GYPC: variants seen among roughly 807,000 people sequenced by gnomAD.
GYPC encodes glycophorin-C.
GYPC carries 14 observed loss-of-function variants against 12.6 expected under a neutral mutation model. The observed-to-expected ratio is 1.11, with a 90% CI of 0.74 to 1.74. GYPC has a LOEUF of 1.74. Among genes scored for constraint, GYPC ranks in the 40% most tolerant of loss-of-function variants. The pLI is 0.00. For synonymous variants in GYPC, 78 were observed against 62.1 expected, an observed-to-expected ratio of 1.26 and a Z score of -1.20; for missense variants, 225 against 172.1, an observed-to-expected ratio of 1.31 and a Z score of -1.72.
chr2:126,672,454 C>A (rs1682878458), intron 1 of GYPC, among the ~76,000 whole-genome samples: 2 of 152,176 alleles, frequency 1.3e-5, no homozygotes, highest in Non-Finnish European at 2.9e-5. Flanking sequence ...CACACAGAGG[C>A]CAGCTTTCAG....
intron 1 of GYPC, among the ~76,000 whole-genome samples, chr2:126,664,951 T>TTC (rs143811361): frequency 0.044 from 6,556 of 148,334 alleles, 210 homozygotes; most frequent in African/African-American, 0.094. Flanking sequence ...CTTGCTGTCT[T>TTC]TCTCTCTCTC....
rs28369976 is a variant in GYPC at position 126,669,307 on chromosome 2, C to G, written c.49+12995C>G. Among the ~76,000 whole-genome samples the G allele has an allele frequency of 3.0e-4, 46 of 152,244 alleles. 1 individual carries two copies. The highest frequency in any genetic ancestry group is 2.7e-3 in the East Asian group (14 of 5,164). On this transcript the variant is annotated intron_variant, in intron 1 of 3. Coordinates refer to ENST00000259254, the MANE Select transcript of GYPC (RefSeq NM_002101.5). ...TGTCCCTGGTCATCATCCTGTGCTG[C>G]GAGTGGATGCTCCAGGCCATGCCCC...
chr2:126,684,046 G>A (rs577463172), intron 1 of GYPC, among the ~76,000 whole-genome samples: 8 of 152,298 alleles, frequency 5.3e-5, no homozygotes, highest in South Asian at 4.1e-4. Flanking sequence ...AGATAAGACC[G>A]GATAAGGGTT....
chr2:126,677,095 GT>G (rs1293574063), intron 1 of GYPC, among the ~76,000 whole-genome samples: 2 of 152,118 alleles, frequency 1.3e-5, no homozygotes, highest in Admixed American at 1.3e-4. Context: ...CTAGGCTTCT[GT>G]CCCCTGAGGC....
intron 1 of GYPC, among the ~76,000 whole-genome samples, chr2:126,688,546 G>A (rs1036624758): frequency 2.6e-5 from 4 of 152,220 alleles, no homozygotes; most frequent in African/African-American, 9.6e-5. Context: ...TTGCTACTGA[G>A]AAGCACTGTG....
chr2:126,675,201 A>T (rs1050666391), intron 1 of GYPC, among the ~76,000 whole-genome samples: 2 of 152,188 alleles, frequency 1.3e-5, no homozygotes, highest in Non-Finnish European at 2.9e-5. Context: ...GGGCTTTCCC[A>T]GATTCCCTTC....
At chr2:126,692,072 G>T (rs1343790478) in intron 2 of GYPC, among the ~76,000 whole-genome samples, 2 of 152,230 alleles carry the variant, frequency 1.3e-5, no homozygotes, top group Non-Finnish European at 2.9e-5. Context: ...ATACTAAACT[G>T]GAGGCTGCAC....
chr2:126,668,841 G>A (rs1573560460), intron 1 of GYPC, among the ~76,000 whole-genome samples: 2 of 152,134 alleles, frequency 1.3e-5, no homozygotes, highest in African/African-American at 4.8e-5. Context: ...AAGCCTTGTT[G>A]GGCTTCTTGG....
chr2:126,686,611 C>T (rs1339389447), intron 1 of GYPC: 2 of 980,760 alleles, frequency 2.0e-6, no homozygotes, highest in African/African-American at 1.8e-5. Context: ...GAGTTGTGAG[C>T]AAGACAAGCC....
chr2:126,691,603 C>T (rs1265295933), intron 2 of GYPC, among the ~76,000 whole-genome samples: 1 of 152,080 alleles, frequency 6.6e-6, no homozygotes, highest in Non-Finnish European at 1.5e-5. Context: ...CCTCATTTTT[C>T]CCCCTGTATA....
intron 1 of GYPC, among the ~76,000 whole-genome samples, chr2:126,687,861 A>G (rs1282193224): frequency 6.6e-6 from 1 of 152,144 alleles, no homozygotes; most frequent in Non-Finnish European, 1.5e-5. Flanking sequence ...CCAGAAGCCA[A>G]GAAATGCACC....
intron 1 of GYPC, among the ~76,000 whole-genome samples, chr2:126,662,023 C>T (rs1682548990): frequency 6.6e-6 from 1 of 152,246 alleles, no homozygotes. Context: ...ACACCCGCTG[C>T]TCCCACACGC....
chr2:126,663,032 T>G (rs1037779580), intron 1 of GYPC, among the ~76,000 whole-genome samples: 3 of 151,950 alleles, frequency 2.0e-5, no homozygotes, highest in African/African-American at 7.3e-5. Context: ...TCCTTCATGG[T>G]TTTTATTGTT....
intron 1 of GYPC, among the ~76,000 whole-genome samples, chr2:126,657,174 T>C (rs903328362): frequency 5.3e-5 from 8 of 152,184 alleles, no homozygotes; most frequent in African/African-American, 1.9e-4. Context: ...GTCTTTGAAA[T>C]CCAGGGGGTT....
intron 1 of GYPC, chr2:126,675,629 T>A (rs1031581491): frequency 9.4e-6 from 9 of 957,830 alleles, no homozygotes; most frequent in Non-Finnish European, 1.1e-5. Flanking sequence ...TTCAAAACTC[T>A]AGAGAATCCC....
chr2:126,677,524 T>C (rs551111814), intron 1 of GYPC, among the ~76,000 whole-genome samples: 69 of 151,352 alleles, frequency 4.6e-4, no homozygotes, highest in African/African-American at 1.6e-3. Flanking sequence ...TGAGTCTGTG[T>C]GTGTGTGAGT....
At chr2:126,669,260 C>T (rs995250945) in intron 1 of GYPC, among the ~76,000 whole-genome samples, 2 of 152,152 alleles carry the variant, frequency 1.3e-5, no homozygotes, top group Non-Finnish European at 2.9e-5. Context: ...TCACTACGTG[C>T]GCAGTGTTGC....
chr2:126,666,769 A>G (rs1029719543), intron 1 of GYPC, among the ~76,000 whole-genome samples: 1 of 151,032 alleles, frequency 6.6e-6, no homozygotes, highest in African/African-American at 2.4e-5. Flanking sequence ...ATGCACGCAC[A>G]CACACAAGCA....
intron 1 of GYPC, among the ~76,000 whole-genome samples, chr2:126,656,730 C>T (rs1308428189): frequency 2.0e-5 from 3 of 152,228 alleles, no homozygotes; most frequent in Non-Finnish European, 4.4e-5. Flanking sequence ...GGCCAGGCTC[C>T]GGTGAACTCC....
Sources: allele counts gnomAD v4.1 joint callset (sites outside exome capture counted in the v4.1 genomes callset), GRCh38; gene constraint gnomAD v4.1.1; transcripts MANE v1.5; gene names NCBI Gene and HGNC (gene_info 2026-07-23, HGNC 2026-07-21).